The following POFUT3 variants were observed in gnomAD, a reference collection of about 807,000 sequenced individuals.
POFUT3 encodes the protein protein O-fucosyltransferase 3.
the POFUT3 span, among the ~76,000 whole-genome samples, chr8:33,427,113 G>A: frequency 2.0e-5 from 3 of 152,162 alleles, no homozygotes; most frequent in Admixed American, 2.0e-4. Context: ...TTTGGCCCAG[G>A]TGCTCACTTT....
the POFUT3 span, among the ~76,000 whole-genome samples, chr8:33,427,302 G>T: frequency 6.6e-6 from 1 of 152,136 alleles, no homozygotes; most frequent in Non-Finnish European, 1.5e-5. Context: ...AAAGGGCCAG[G>T]CGTGGTGGCT....
the POFUT3 span, among the ~76,000 whole-genome samples, chr8:33,423,540 G>A: frequency 6.6e-6 from 1 of 152,104 alleles, no homozygotes; most frequent in African/African-American, 2.4e-5. Context: ...AAAGTGCTGG[G>A]ATTACAGGTG....
At chr8:33,405,057 G>A in the POFUT3 span, among the ~76,000 whole-genome samples, 2,646 of 152,118 alleles carry the variant, frequency 0.017, 78 homozygotes, top group African/African-American at 0.059. Flanking sequence ...CAGTGATCTC[G>A]TGGCTTTTTG....
the POFUT3 span, among the ~76,000 whole-genome samples, chr8:33,415,172 G>T: frequency 6.6e-6 from 1 of 152,076 alleles, no homozygotes; most frequent in Non-Finnish European, 1.5e-5. Context: ...TGAGGCAGAA[G>T]AATCACTTGA....
At chr8:33,399,874 G>C in the POFUT3 span, among the ~76,000 whole-genome samples, 1 of 151,670 alleles carries the variant, frequency 6.6e-6, no homozygotes, top group African/African-American at 2.4e-5. Context: ...GGCTGGTCTC[G>C]AACTCCTGAC....
At chr8:33,386,237 A>T in the POFUT3 span, among the ~76,000 whole-genome samples, 1 of 148,876 alleles carries the variant, frequency 6.7e-6, no homozygotes, top group South Asian at 2.1e-4. Context: ...CTTTTCATTT[A>T]CTTTCATAGA....
At chr8:33,416,177 C>A in the POFUT3 span, among the ~76,000 whole-genome samples, 2 of 151,960 alleles carry the variant, frequency 1.3e-5, no homozygotes, top group Non-Finnish European at 2.9e-5. Flanking sequence ...AAAATGGAAA[C>A]CTGGAAAGCA....
chr8:33,311,534 C>G, the POFUT3 span, among the ~76,000 whole-genome samples: 1 of 152,194 alleles, frequency 6.6e-6, no homozygotes, highest in African/African-American at 2.4e-5. Context: ...AATCCTTCCT[C>G]TAGAGCGCCT....
At chr8:33,369,193 A>G in the POFUT3 span, among the ~76,000 whole-genome samples, 2 of 152,164 alleles carry the variant, frequency 1.3e-5, no homozygotes. Flanking sequence ...ATAACCTCAC[A>G]AGGAGGTTGG....
the POFUT3 span, among the ~76,000 whole-genome samples, chr8:33,370,220 T>G: frequency 3.9e-5 from 5 of 128,886 alleles, no homozygotes; most frequent in African/African-American, 5.6e-5. Context: ...CCAGGCCTGG[T>G]GGCAGGTGCC....
At chr8:33,372,214 G>A in the POFUT3 span, 1 of 1,011,104 alleles carries the variant, frequency 9.9e-7, no homozygotes. Context: ...CCAATAAGCT[G>A]TTGAGAGTGA....
chr8:33,372,316 T>C, the POFUT3 span: 1 of 1,210,644 alleles, frequency 8.3e-7, no homozygotes, highest in Non-Finnish European at 1.0e-6. Context: ...AGGCAGTAAG[T>C]ATGTGGGTCC....
the POFUT3 span, among the ~76,000 whole-genome samples, chr8:33,350,688 G>A: frequency 6.6e-6 from 1 of 152,102 alleles, no homozygotes; most frequent in Non-Finnish European, 1.5e-5. Flanking sequence ...TCTAAGTCAA[G>A]TTTCCCAGTG....
chr8:33,374,846 A>C, the POFUT3 span, among the ~76,000 whole-genome samples: 3,207 of 151,966 alleles, frequency 0.021, 113 homozygotes, highest in African/African-American at 0.074. Context: ...TTAGGGTAGA[A>C]TGAAGACATT....
the POFUT3 span, among the ~76,000 whole-genome samples, chr8:33,330,014 T>A: frequency 6.6e-6 from 1 of 152,216 alleles, no homozygotes; most frequent in Non-Finnish European, 1.5e-5. Flanking sequence ...GAGAGGAAGA[T>A]GCTGGTGTTT....
chr8:33,381,896 CTA>C, the POFUT3 span, among the ~76,000 whole-genome samples: 1 of 152,162 alleles, frequency 6.6e-6, no homozygotes, highest in Non-Finnish European at 1.5e-5. Context: ...ACTGTAAGCC[CTA>C]TGACAAGGGA....
the POFUT3 span, among the ~76,000 whole-genome samples, chr8:33,343,094 G>C: frequency 6.8e-6 from 1 of 148,028 alleles, no homozygotes; most frequent in Non-Finnish European, 1.5e-5. Flanking sequence ...CTGGGCGACA[G>C]AGCAAGACTC....
the POFUT3 span, chr8:33,389,879 C>G: frequency 2.1e-5 from 20 of 956,196 alleles, no homozygotes; most frequent in Non-Finnish European, 3.2e-5. Flanking sequence ...GATTAGAATA[C>G]AGAGGAGTCT....
the POFUT3 span, among the ~76,000 whole-genome samples, chr8:33,414,665 C>T: frequency 6.6e-6 from 1 of 152,132 alleles, no homozygotes; most frequent in Non-Finnish European, 1.5e-5. Context: ...TTTTCCGTCT[C>T]CCCTACACCT....
Sources: allele counts gnomAD v4.1 joint callset (sites outside exome capture counted in the v4.1 genomes callset), GRCh38; gene constraint gnomAD v4.1.1; transcripts MANE v1.5; gene names NCBI Gene and HGNC (gene_info 2026-07-23, HGNC 2026-07-21).